Variants in ANOS1 observed in about 807,000 individuals in gnomAD.
ANOS1 encodes the protein anosmin 1.
A neutral mutation model predicts 59.0 loss-of-function variants in ANOS1; 6 were observed. That is an observed-to-expected ratio of 0.10 (90% confidence interval 0.06 to 0.20). The LOEUF is 0.20. Ranked by LOEUF, ANOS1 falls within the 10% of genes least tolerant of loss-of-function variation. The pLI, the probability that ANOS1 is intolerant of heterozygous loss-of-function variation, is 1.00. For synonymous variants in ANOS1, 217 were observed against 223.4 expected, an observed-to-expected ratio of 0.97 and a Z score of 0.25; for missense variants, 433 against 542.3, an observed-to-expected ratio of 0.80 and a Z score of 2.00.
At chrX:8,565,195 T>C (rs1311438907) in intron 8 of ANOS1, among the ~76,000 whole-genome samples, 1 of 112,119 alleles carries the variant, frequency 8.9e-6, no homozygotes, top group African/African-American at 3.2e-5. Flanking sequence ...TGCAATCCCA[T>C]ACCAGTTTCT....
intron 2 of ANOS1, among the ~76,000 whole-genome samples, chrX:8,669,400 C>T (rs1932218418): frequency 9.0e-6 from 1 of 111,083 alleles, no homozygotes; most frequent in African/African-American, 3.3e-5. Context: ...AGTAATGTAT[C>T]GATAGTAATC....
chrX:8,690,271 A>G, intron 2 of ANOS1, among the ~76,000 whole-genome samples: 1 of 112,209 alleles, frequency 8.9e-6, no homozygotes, highest in East Asian at 2.8e-4. Flanking sequence ...TCCTGAAATC[A>G]TTGTCAAACG....
At chrX:8,547,919 A>G (rs1222167702) in intron 9 of ANOS1, among the ~76,000 whole-genome samples, 1 of 111,070 alleles carries the variant, frequency 9.0e-6, no homozygotes, top group Non-Finnish European at 1.9e-5. Context: ...GTTTCACCAT[A>G]TTGGCCAGAC....
intron 2 of ANOS1, among the ~76,000 whole-genome samples, chrX:8,690,267 A>T (rs1932586808): frequency 8.9e-6 from 1 of 112,218 alleles, no homozygotes; most frequent in African/African-American, 3.2e-5. Flanking sequence ...CTTCTCCTGA[A>T]ATCATTGTCA....
intron 2 of ANOS1, among the ~76,000 whole-genome samples, chrX:8,659,244 T>A (rs866648314): frequency 1.9e-4 from 17 of 88,273 alleles, no homozygotes; most frequent in African/African-American, 6.8e-4. Context: ...AAAAAAAAAA[T>A]ACACATCTAT....
intron 8 of ANOS1, 125 bp from the exon 9 acceptor site, chrX:8,554,223 T>C: frequency 5.4e-6 from 3 of 552,247 alleles, no homozygotes; most frequent in Non-Finnish European, 9.2e-6. Context: ...AGGCGGGTGA[T>C]TTCTCTATTT....
chrX:8,680,038 G>A, intron 2 of ANOS1, among the ~76,000 whole-genome samples: 1 of 108,756 alleles, frequency 9.2e-6, no homozygotes, highest in Non-Finnish European at 1.9e-5. Flanking sequence ...GTGTGTGCCT[G>A]TAATCCCAAC....
chrX:8,548,635 TA>T, intron 9 of ANOS1, among the ~76,000 whole-genome samples: 1 of 112,643 alleles, frequency 8.9e-6, no homozygotes, highest in African/African-American at 3.2e-5. Context: ...GAGTAAGCAG[TA>T]ACACTGTAAC....
chrX:8,699,916 T>C (rs1932737691), intron 1 of ANOS1, among the ~76,000 whole-genome samples, 171 bp from the exon 2 acceptor site: 1 of 112,286 alleles, frequency 8.9e-6, no homozygotes, highest in Non-Finnish European at 1.9e-5. Flanking sequence ...AATGTGTTTG[T>C]AAGTTTCATT....
chrX:8,657,472 T>TTTTTTTTTTA (rs1931951531), intron 2 of ANOS1, among the ~76,000 whole-genome samples: 2 of 102,988 alleles, frequency 1.9e-5, no homozygotes, highest in African/African-American at 7.2e-5. Context: ...GCTTGCTTTT[T>TTTTTTTTTTA]TTTTTTTTTT....
intron 1 of ANOS1, among the ~76,000 whole-genome samples, chrX:8,708,313 A>C (rs1267706144): frequency 8.9e-6 from 1 of 112,169 alleles, no homozygotes; most frequent in Non-Finnish European, 1.9e-5. Flanking sequence ...AACTATCATC[A>C]GAGTGAACAG....
At chrX:8,724,368 G>A (rs1168169601) in intron 1 of ANOS1, among the ~76,000 whole-genome samples, 1 of 112,164 alleles carries the variant, frequency 8.9e-6, no homozygotes, top group African/African-American at 3.2e-5. Flanking sequence ...GCTCTCAGTA[G>A]AAGAGGGAAG....
chrX:8,604,663 A>C (rs1385460514), intron 3 of ANOS1, among the ~76,000 whole-genome samples: 1 of 112,231 alleles, frequency 8.9e-6, no homozygotes, highest in African/African-American at 3.2e-5. Flanking sequence ...ACTCCTAGAG[A>C]CCACTGAGGG....
chrX:8,561,762 C>T (rs1433964141), intron 8 of ANOS1, among the ~76,000 whole-genome samples: 1 of 109,307 alleles, frequency 9.1e-6, no homozygotes. Flanking sequence ...CTAAGAGTTT[C>T]ACAAACCCAT....
chrX:8,587,518 T>G (rs909319649), intron 5 of ANOS1, among the ~76,000 whole-genome samples: 1 of 112,010 alleles, frequency 8.9e-6, no homozygotes, highest in African/African-American at 3.2e-5. Context: ...AATGTGGTTC[T>G]TGGAGAAAAT....
chrX:8,721,617 T>C (rs1475477163), intron 1 of ANOS1, among the ~76,000 whole-genome samples: 1 of 112,052 alleles, frequency 8.9e-6, no homozygotes, highest in African/African-American at 3.2e-5. Context: ...TTTTCCTCCC[T>C]TCTTCTTTCT....
At chrX:8,626,111 C>CAAAAAAAAAAAAAAA (rs138234272) in intron 2 of ANOS1, among the ~76,000 whole-genome samples, 4 of 24,520 alleles carry the variant, frequency 1.6e-4, no homozygotes, top group African/African-American at 6.2e-4. Flanking sequence ...GACTCTGTCT[C>CAAAAAAAAAAAAAAA]AAAAAAAAAA....
chrX:8,656,842 T>G (rs113602731), intron 2 of ANOS1, among the ~76,000 whole-genome samples: 3 of 111,638 alleles, frequency 2.7e-5, no homozygotes, highest in African/African-American at 9.8e-5. Flanking sequence ...CCCAGACACA[T>G]GCTGAGGGAG....
chrX:8,694,443 C>T (rs1039429200), intron 2 of ANOS1, among the ~76,000 whole-genome samples: 8 of 112,161 alleles, frequency 7.1e-5, no homozygotes, highest in East Asian at 5.6e-4. Flanking sequence ...CCAAGGTAGG[C>T]GAATCACTTG....
Sources: gnomAD v4.1 joint callset for allele counts (sites outside exome capture counted in the v4.1 genomes callset) on GRCh38, gnomAD v4.1.1 for gene constraint, MANE v1.5 for transcripts, NCBI Gene and HGNC (gene_info 2026-07-23, HGNC 2026-07-21) for gene names.